Variants in OTOG observed in about 807,000 individuals in gnomAD.
OTOG encodes the protein otogelin.
Under a neutral mutation model 313.8 loss-of-function variants are expected in OTOG, and 296 were observed. The observed-to-expected ratio is 0.94, with a 90% CI of 0.86 to 1.04. The LOEUF is 1.04. Among genes scored for constraint, OTOG ranks in the 50% least tolerant of loss-of-function variants. The pLI, the probability that OTOG is intolerant of heterozygous loss-of-function variation, is 0.00. For missense variants in OTOG, 3,948 were observed against 3,840.1 expected (o/e 1.03, Z -0.74); for synonymous variants, 1,533 against 1,554.9 (o/e 0.99, Z 0.33).
intron 30 of OTOG, among the ~76,000 whole-genome samples, chr11:17,598,371 G>A (rs1310234467): frequency 6.6e-6 from 1 of 152,042 alleles, no homozygotes; most frequent in African/African-American, 2.4e-5. Flanking sequence ...TGGCTCAGTG[G>A]GAGACTGTTA....
At chr11:17,600,164 A>G (rs1404924528) in intron 31 of OTOG, among the ~76,000 whole-genome samples, 4 of 152,172 alleles carry the variant, frequency 2.6e-5, no homozygotes, top group Non-Finnish European at 1.5e-5. Context: ...CCAAGGTTGC[A>G]GGGTTCCGGG....
chr11:17,570,399 C>T lies in OTOG; in HGVS notation c.1955+9C>T. 6.5e-7 allele frequency: 1 copy of T among 1,549,718 alleles called. No homozygotes were observed. The highest frequency in any genetic ancestry group is 8.7e-7 in the Non-Finnish European group (1 of 1,146,438). On this transcript the variant is annotated intron_variant, in intron 17 of 55. Coordinates refer to ENST00000399397, the MANE Select transcript of OTOG (RefSeq NM_001292063.2). ...ACGCAGGATGACTTCCTGTACGTAG[C>T]CCTGCCACGGAACCCGAAGAAGAGG...
intron 21 of OTOG, 53 bp from the exon 22 acceptor site, chr11:17,576,815 T>A: frequency 1.3e-6 from 2 of 1,544,110 alleles, no homozygotes; most frequent in Non-Finnish European, 1.8e-6. Context: ...ATGGGGTGTC[T>A]GGGTCCTGCA....
chr11:17,634,741 G>T, intron 44 of OTOG, 103 bp from the exon 45 acceptor site: 1 of 939,570 alleles, frequency 1.1e-6, no homozygotes, highest in Non-Finnish European at 1.6e-6. Flanking sequence ...GGGAGGAGTG[G>T]GGCCAGGCGT....
At chr11:17,638,413 C>G (rs1484830257) in intron 47 of OTOG, 38 bp from the exon 48 acceptor site, 1 of 1,486,722 alleles carries the variant, frequency 6.7e-7, no homozygotes, top group Non-Finnish European at 9.1e-7. Context: ...CCCCAGGTGC[C>G]TGTGACTGAC....
chr11:17,612,526 C>A lies in OTOG; in HGVS notation c.6293-94C>A, dbSNP rs1294462875. ...CCAGACCCCAGGCCTCTGCATCCAT[C>A]CAGGAAAAGGGCCAGGAACCTGCCC... On this transcript the variant is annotated intron_variant, in intron 37 of 55. Coordinates refer to ENST00000399397, the MANE Select transcript of OTOG (RefSeq NM_001292063.2). 4.8e-6 allele frequency: 7 copies of A among 1,445,902 alleles called. No homozygotes were observed. In the African/African-American group the frequency reaches 8.5e-5, roughly 18 times the overall value. 89.6% of individuals were successfully genotyped at this position (1,445,902 alleles called of 1,614,324 possible).
In OTOG at chr11:17,553,531, C is replaced by G; in HGVS notation, c.540+12C>G. On this transcript the variant is annotated intron_variant, in intron 6 of 55. Transcript: ENST00000399397. ...GCTTCTCCATCCAGGTGAGGCCTCCCCTGCCTTGCCTGTCCAGGAATGCTT... is the reference window on the plus strand; with the variant it reads ...GCTTCTCCATCCAGGTGAGGCCTCCGCTGCCTTGCCTGTCCAGGAATGCTT... 1 of 1,423,258 alleles carries G rather than the reference C, an allele frequency of 7.0e-7. No homozygotes were observed. The highest frequency in any genetic ancestry group is 1.7e-5 in the South Asian group (1 of 60,372). The allele number at this position is 1,423,258 out of a possible 1,614,324, so 88.2% of individuals were successfully genotyped here.
chr11:17,646,022 G>T lies in OTOG; in HGVS notation c.*78G>T. 1 of 1,380,022 alleles carries T rather than the reference G, an allele frequency of 7.2e-7. No individual in the cohort carries two copies. The highest frequency in any genetic ancestry group is 2.5e-5 in the East Asian group (1 of 39,988). The allele number at this position is 1,380,022 out of a possible 1,614,324, so 85.5% of individuals were successfully genotyped here. A position where few individuals can be genotyped will look rare whatever the true frequency, so the allele number is the denominator to read the frequency against. On this transcript the variant is annotated 3_prime_UTR_variant, in exon 56 of 56. Coordinates refer to ENST00000399397, the MANE Select transcript of OTOG (RefSeq NM_001292063.2). Reference sequence around the variant, plus strand: ...TCCAGCTGGCCCAATGTGAATGGGGGTATTAAAGGTGGTAGAAATCTGGCA... The same window carrying T: ...TCCAGCTGGCCCAATGTGAATGGGGTTATTAAAGGTGGTAGAAATCTGGCA...
chr11:17,624,456 C>T (rs1210916608), intron 39 of OTOG, among the ~76,000 whole-genome samples: 2 of 152,090 alleles, frequency 1.3e-5, no homozygotes, highest in South Asian at 2.1e-4. Context: ...GAAGATCAGA[C>T]AGCTGTAGGT....
chr11:17,636,233 T>C (rs544637974), intron 47 of OTOG, among the ~76,000 whole-genome samples: 2 of 152,316 alleles, frequency 1.3e-5, no homozygotes, highest in South Asian at 4.1e-4. Context: ...CATGTAGACA[T>C]GTATAGTATG....
intron 22 of OTOG, 77 bp downstream of exon 22, chr11:17,576,988 A>C (rs1185868981): frequency 2.5e-5 from 35 of 1,418,248 alleles, no homozygotes; most frequent in Non-Finnish European, 3.0e-5. Flanking sequence ...AGCACTGATC[A>C]GGCTGTGGCA....
At chr11:17,607,814 C>A (rs1171359923) in intron 33 of OTOG, among the ~76,000 whole-genome samples, 1 of 152,168 alleles carries the variant, frequency 6.6e-6, no homozygotes, top group East Asian at 1.9e-4. Context: ...CCTCACCCTG[C>A]AAAGGAGAGC....
chr11:17,646,010 A>C lies in OTOG; in HGVS notation c.*66A>C. 6.8e-7 allele frequency: 1 copy of C among 1,460,614 alleles called. No individual in the cohort carries two copies. The highest frequency in any genetic ancestry group is 9.3e-7 in the Non-Finnish European group (1 of 1,076,376). 90.5% of individuals were successfully genotyped at this position (1,460,614 alleles called of 1,614,324 possible). A position where few individuals can be genotyped will look rare whatever the true frequency, so the allele number is the denominator to read the frequency against. On this transcript the variant is annotated 3_prime_UTR_variant, in exon 56 of 56. Transcript: ENST00000399397. ...CCACTTTCTGTTTCCAGCTGGCCCA[A>C]TGTGAATGGGGGTATTAAAGGTGGT...
intron 40 of OTOG, among the ~76,000 whole-genome samples, chr11:17,629,837 T>A (rs1347949904): frequency 6.6e-6 from 1 of 152,202 alleles, no homozygotes; most frequent in Non-Finnish European, 1.5e-5. Flanking sequence ...ATTGAATGTA[T>A]TCTCATAAGG....
chr11:17,640,861 G>C (rs1368593790), intron 50 of OTOG, 41 bp downstream of exon 50: 5 of 1,549,864 alleles, frequency 3.2e-6, no homozygotes, highest in South Asian at 1.2e-5. Flanking sequence ...TGCAGGAGGG[G>C]CATGGGTGCC....
At chr11:17,556,034 A>G (rs1852051722) in intron 7 of OTOG, 137 bp downstream of exon 7, 2 of 673,470 alleles carry the variant, frequency 3.0e-6, no homozygotes, top group South Asian at 4.0e-5. Context: ...TCTGGGCGGA[A>G]GCATACTGGC....
At position 17,610,683 on chromosome 11, in the gene OTOG, C is replaced by T; in HGVS notation, c.5383C>T (p.Pro1795Ser). 6.4e-7 allele frequency: 1 copy of T among 1,550,600 alleles called. No individual in the cohort carries two copies. Among genetic ancestry groups the T allele is most frequent in the Non-Finnish European group, 8.7e-7 (1 of 1,146,984 alleles). Residue 1795 changes from proline to serine, a missense_variant, in exon 36 of 56, where the codon CCC becomes TCC. Pro to Ser is a moderately conservative substitution (Grantham distance 74). Coordinates refer to ENST00000399397, the MANE Select transcript of OTOG (RefSeq NM_001292063.2). ...CTTCATGTCCCTTGAGTCAACTCGT[C>T]CCTCCCAGCTCCTCTCTGGCCTGCC... ...TPFMSLESTR[P>S]SQLLSGLPPD...
chr11:17,599,427 C>A (rs542524565), intron 30 of OTOG, among the ~76,000 whole-genome samples: 31 of 152,346 alleles, frequency 2.0e-4, no homozygotes, highest in African/African-American at 7.5e-4. Flanking sequence ...CTTGACACAT[C>A]GCTGAGGTGC....
chr11:17,604,525 C>T (rs1337754518), intron 32 of OTOG, among the ~76,000 whole-genome samples: 3 of 152,212 alleles, frequency 2.0e-5, no homozygotes, highest in Non-Finnish European at 4.4e-5. Context: ...CCAGCCCTGC[C>T]TCCCTCATCC....
Sources: allele counts gnomAD v4.1 joint callset (sites outside exome capture counted in the v4.1 genomes callset), GRCh38; gene constraint gnomAD v4.1.1; transcripts MANE v1.5; gene names NCBI Gene and HGNC (gene_info 2026-07-23, HGNC 2026-07-21).